The following NFIA variants were observed in gnomAD, a reference collection of about 807,000 sequenced individuals.
NFIA encodes the protein nuclear factor 1 A-type.
A neutral mutation model predicts 62.8 loss-of-function variants in NFIA; 8 were observed. The observed-to-expected ratio is 0.13, with a 90% CI of 0.07 to 0.23. NFIA has a LOEUF of 0.23. Among genes scored for constraint, NFIA ranks in the 10% least tolerant of loss-of-function variants. NFIA has a pLI of 1.00. For synonymous variants in NFIA, 235 were observed against 238.1 expected (o/e 0.99, Z 0.12); for missense variants, 410 against 642.1 (o/e 0.64, Z 3.91).
chr1:61,361,059 C>T (rs903355398), intron 6 of NFIA, among the ~76,000 whole-genome samples: 1 of 152,050 alleles, frequency 6.6e-6, no homozygotes, highest in Non-Finnish European at 1.5e-5. Context: ...AGGTGGGAAA[C>T]AAACACATAA....
intron 2 of NFIA, among the ~76,000 whole-genome samples, chr1:61,104,259 C>G (rs1646558908): frequency 6.6e-6 from 1 of 152,034 alleles, no homozygotes; most frequent in African/African-American, 2.4e-5. Context: ...GGAAAAGGGC[C>G]TGTCAGTCAT....
chr1:61,310,439 G>T (rs1660036483), intron 3 of NFIA, among the ~76,000 whole-genome samples: 1 of 152,146 alleles, frequency 6.6e-6, no homozygotes, highest in East Asian at 1.9e-4. Flanking sequence ...GACAAGTAGA[G>T]GCTCTCCCTC....
intron 2 of NFIA, among the ~76,000 whole-genome samples, chr1:61,219,334 T>C (rs1653855765): frequency 6.6e-6 from 1 of 152,180 alleles, no homozygotes; most frequent in Non-Finnish European, 1.5e-5. Flanking sequence ...TTTAAACATT[T>C]ATTAGATATA....
intron 4 of NFIA, among the ~76,000 whole-genome samples, chr1:61,333,182 G>A (rs1661402954): frequency 6.6e-6 from 1 of 151,800 alleles, no homozygotes; most frequent in Admixed American, 6.6e-5. Flanking sequence ...GTAAGAAGAA[G>A]GAAAAATAAA....
At chr1:61,436,923 G>C (rs1667354242) in intron 10 of NFIA, among the ~76,000 whole-genome samples, 1 of 152,216 alleles carries the variant, frequency 6.6e-6, no homozygotes, top group South Asian at 2.1e-4. Flanking sequence ...ACATGAGCTT[G>C]TGATAAGCCG....
At chr1:61,126,885 A>G (rs1646983798) in intron 2 of NFIA, among the ~76,000 whole-genome samples, 1 of 144,686 alleles carries the variant, frequency 6.9e-6, no homozygotes. Context: ...CCCAGGTTCA[A>G]GTGATTATCG....
At position 61,349,834 on chromosome 1, in the gene NFIA, C is replaced by A. The variant is rs1460785965; in HGVS notation, c.701-2616C>A. Among the ~76,000 whole-genome samples the A allele has an allele frequency of 2.0e-5, 3 of 152,032 alleles. No homozygotes were observed. The East Asian group carries it at 5.8e-4, about 29-fold the overall frequency. On this transcript the variant is annotated intron_variant, in intron 4 of 10. Transcript: ENST00000403491. ...TCTTGAACTTTTGGTCTCAAGCAAT[C>A]CTCCCACCTCAGCTTCCCAAAGTGC...
At chr1:61,453,405 G>A (rs929499296) in intron 10 of NFIA, among the ~76,000 whole-genome samples, 11 of 151,262 alleles carry the variant, frequency 7.3e-5, no homozygotes, top group Admixed American at 5.9e-4. Context: ...TAACCTTGTC[G>A]GCAAGGCACA....
At chr1:61,439,721 A>ACT (rs929048693) in intron 10 of NFIA, among the ~76,000 whole-genome samples, 3 of 152,216 alleles carry the variant, frequency 2.0e-5, no homozygotes, top group Non-Finnish European at 4.4e-5. Flanking sequence ...TAAATTGGGA[A>ACT]CTAAGGTATT....
At position 61,232,706 on chromosome 1, in the gene NFIA, T is replaced by A. The variant is rs548546718; in HGVS notation, c.560-44814T>A. Among the ~76,000 whole-genome samples, 295 of 152,280 alleles carry A rather than the reference T, an allele frequency of 1.9e-3. 3 individuals are homozygous for A. Among genetic ancestry groups the A allele is most frequent in the Middle Eastern group, 3.4e-3 (1 of 294 alleles). On this transcript the variant is annotated intron_variant, in intron 2 of 10. Coordinates refer to ENST00000403491, the MANE Select transcript of NFIA (RefSeq NM_001134673.4). ...AAACACTTGTGACAGGAGTTTTTTT[T>A]AAAAAACATCTTCCTTTCCAGTTTA...
At chr1:61,277,193 G>A (rs564433042) in intron 2 of NFIA, among the ~76,000 whole-genome samples, 4 of 152,304 alleles carry the variant, frequency 2.6e-5, no homozygotes, top group East Asian at 1.9e-4. Context: ...TATCAGACTC[G>A]AGTGTATAAA....
At chr1:61,389,539 C>T (rs1441092416) in intron 7 of NFIA, among the ~76,000 whole-genome samples, 1 of 151,982 alleles carries the variant, frequency 6.6e-6, no homozygotes, top group Non-Finnish European at 1.5e-5. Context: ...CTGAGCTAGC[C>T]AGAACCAAGA....
chr1:61,453,968 A>T (rs1348021816), intron 10 of NFIA, among the ~76,000 whole-genome samples: 2 of 152,170 alleles, frequency 1.3e-5, no homozygotes, highest in African/African-American at 4.8e-5. Context: ...GTCTGGGCTT[A>T]AGTTTTTTAA....
chr1:61,133,898 T>A (rs763523910), intron 2 of NFIA, among the ~76,000 whole-genome samples: 1 of 151,896 alleles, frequency 6.6e-6, no homozygotes, highest in African/African-American at 2.4e-5. Context: ...TCCTAGCACT[T>A]TGGGAGGCTG....
intron 2 of NFIA, among the ~76,000 whole-genome samples, chr1:61,127,318 A>T (rs964909089): frequency 6.6e-6 from 1 of 151,520 alleles, no homozygotes; most frequent in African/African-American, 2.4e-5. Context: ...TTAGCCGGGC[A>T]TGGTGGCGCA....
intron 7 of NFIA, among the ~76,000 whole-genome samples, chr1:61,383,728 A>C (rs2474394): frequency 6.6e-6 from 1 of 152,118 alleles, no homozygotes; most frequent in Non-Finnish European, 1.5e-5. Context: ...GCGTGCACAC[A>C]TGCATGCATT....
At chr1:61,271,302 C>T (rs1463514600) in intron 2 of NFIA, among the ~76,000 whole-genome samples, 1 of 152,170 alleles carries the variant, frequency 6.6e-6, no homozygotes, top group Non-Finnish European at 1.5e-5. Flanking sequence ...GCAGTTGACT[C>T]ACTCTTCAAC....
At chr1:61,256,371 G>C (rs180848268) in intron 2 of NFIA, among the ~76,000 whole-genome samples, 21 of 150,212 alleles carry the variant, frequency 1.4e-4, no homozygotes, top group Admixed American at 8.6e-4. Context: ...AGGAGACAGA[G>C]GTTGCAGTGA....
chr1:61,334,183 A>G (rs893766639), intron 4 of NFIA, among the ~76,000 whole-genome samples: 1 of 152,194 alleles, frequency 6.6e-6, no homozygotes, highest in African/African-American at 2.4e-5. Flanking sequence ...AAGGACTCCC[A>G]GGTTGATGCT....
Sources: gnomAD v4.1 joint callset for allele counts (sites outside exome capture counted in the v4.1 genomes callset) on GRCh38, gnomAD v4.1.1 for gene constraint, MANE v1.5 for transcripts, NCBI Gene and HGNC (gene_info 2026-07-23, HGNC 2026-07-21) for gene names.